The following TMEM71 variants were observed in gnomAD, a reference collection of about 807,000 sequenced individuals.
TMEM71 encodes transmembrane protein 71.
TMEM71 carries 44 observed loss-of-function variants against 38.0 expected under a neutral mutation model. The observed-to-expected ratio is 1.16, with a 90% CI of 0.91 to 1.49. The LOEUF is 1.49. Ranked by LOEUF, TMEM71 falls within the 40% of genes most tolerant of loss-of-function variation. The pLI, the probability that TMEM71 is intolerant of heterozygous loss-of-function variation, is 0.00. For missense variants in TMEM71, 367 were observed against 348.6 expected (o/e 1.05, Z -0.42); for synonymous variants, 133 against 122.5 (o/e 1.09, Z -0.56).
chr8:132,725,280 T>A (rs1209028431), intron 6 of TMEM71, among the ~76,000 whole-genome samples: 2 of 152,200 alleles, frequency 1.3e-5, no homozygotes, highest in African/African-American at 4.8e-5. Context: ...TCCTGTCACC[T>A]CAGCCTCCTG....
rs770505389 is a variant in TMEM71, at chr8:132,751,811, G to T, written c.288C>A (p.Ser96Arg). ...TAACTAAGTTCTCCTTATACATAAC[G>T]CTGGTCTGGGATGGGTTCAGAGTTA... ...GNITLNPSQT[S>R]VMYKENLVRI... Residue 96 changes from serine (S) to arginine (R), a missense_variant, in exon 4 of 10, where the codon AGC becomes AGA. Transcript: ENST00000677595. The T allele has an allele frequency of 6.2e-7, 1 of 1,613,584 alleles. No individual in the cohort carries two copies. Among genetic ancestry groups the T allele is most frequent in the African/African-American group, 1.3e-5 (1 of 74,902 alleles).
At chr8:132,722,491 A>C (rs954702567) in intron 6 of TMEM71, among the ~76,000 whole-genome samples, 1 of 152,258 alleles carries the variant, frequency 6.6e-6, no homozygotes, top group African/African-American at 2.4e-5. Context: ...AGTGCCTTAT[A>C]ATTCACAAAG....
At chr8:132,750,736 T>C (rs1828661884) in intron 4 of TMEM71, among the ~76,000 whole-genome samples, 1 of 152,242 alleles carries the variant, frequency 6.6e-6, no homozygotes, top group Admixed American at 6.5e-5. Context: ...AATTTACCAA[T>C]GCAAAGTGAA....
chr8:132,773,901 CATAGTTAAA>C, the TMEM71 span, among the ~76,000 whole-genome samples: 4 of 152,112 alleles, frequency 2.6e-5, no homozygotes, highest in Non-Finnish European at 4.4e-5. Flanking sequence ...CCCAAATCTC[CATAGTTAAA>C]ATAATAAATA....
chr8:132,712,729 G>T (rs181535056), intron 9 of TMEM71, among the ~76,000 whole-genome samples: 1 of 152,128 alleles, frequency 6.6e-6, no homozygotes, highest in East Asian at 1.9e-4. Context: ...ACCCCATACC[G>T]TATAGAACAT....
At chr8:132,754,763 A>G (rs1421979788) in intron 3 of TMEM71, among the ~76,000 whole-genome samples, 1 of 152,238 alleles carries the variant, frequency 6.6e-6, no homozygotes, top group East Asian at 1.9e-4. Context: ...ATGATGTCAT[A>G]CAAATATGTT....
intron 5 of TMEM71, among the ~76,000 whole-genome samples, chr8:132,746,553 A>G (rs1206875064): frequency 6.7e-6 from 1 of 150,036 alleles, no homozygotes; most frequent in Non-Finnish European, 1.5e-5. Context: ...AGCAAAGTTA[A>G]GTACTATCCA....
chr8:132,715,425 A>AAAAAAAAAAAAAAG (rs1826469045), intron 7 of TMEM71, among the ~76,000 whole-genome samples: 1 of 150,890 alleles, frequency 6.6e-6, no homozygotes, highest in African/African-American at 2.4e-5. Context: ...AAAAAAAAAA[A>AAAAAAAAAAAAAAG]AAAAAAAAAA....
In TMEM71 at chr8:132,747,096, C is replaced by G. The variant is rs753376999; in HGVS notation, c.333G>C (p.Lys111Asn). The stretch of plus-strand genomic sequence containing the variant: ...GAGAAGAAAAGGAATGGCAGATTCT[C>G]TTTTTCTTTCTAAATATCCTAGAGA... ...ENLVRIFRKK[K>N]RICHSFSSLF... Residue 111 changes from lysine to asparagine, a missense_variant, in exon 5 of 10, where the codon AAG becomes AAC. Physicochemically the swap from Lys to Asn is moderately conservative, Grantham distance 94 (BLOSUM62 0). Coordinates refer to ENST00000677595, the MANE Select transcript of TMEM71 (RefSeq NM_001382403.1). The G allele has an allele frequency of 6.2e-7, 1 of 1,605,214 alleles. No individual in the cohort carries two copies. The highest frequency in any genetic ancestry group is 2.2e-5 in the East Asian group (1 of 44,760).
intron 5 of TMEM71, among the ~76,000 whole-genome samples, chr8:132,732,435 A>T (rs1827510069): frequency 6.6e-6 from 1 of 152,184 alleles, no homozygotes; most frequent in Non-Finnish European, 1.5e-5. Flanking sequence ...CCTCCTGTGT[A>T]GCTAGACAAG....
At position 132,751,834 on chromosome 8, in the gene TMEM71, T is replaced by A. The variant is rs138213345; in HGVS notation, c.265A>T (p.Thr89Ser). 8.4e-5 allele frequency: 135 copies of A among 1,613,938 alleles called. 1 individual carries two copies. In the African/African-American group the frequency reaches 1.6e-3, roughly 20 times the overall value. ...ACGCTGGTCTGGGATGGGTTCAGAG[T>A]TATGTTGCCATCTTTGTCGCACAGG... ...SFLCDKDGNI[T>S]LNPSQTSVMY... The change falls in exon 4 of 10, where the codon ACT becomes TCT. Residue 89 changes from threonine to serine, a missense_variant. Transcript: ENST00000677595.
At chr8:132,764,623 T>G (rs895330110), upstream of TMEM71, among the ~76,000 whole-genome samples, 1 of 152,220 alleles carries the variant, frequency 6.6e-6, no homozygotes, top group Non-Finnish European at 1.5e-5. Context: ...TCTCTAGCTT[T>G]GCTCCACCTC....
chr8:132,746,764 TATGTGTTTTGATCACAC>T (rs1828409978), intron 5 of TMEM71, among the ~76,000 whole-genome samples, 161 bp downstream of exon 5: 1 of 152,180 alleles, frequency 6.6e-6, no homozygotes, highest in Non-Finnish European at 1.5e-5. Flanking sequence ...CATAGACACA[TATGTGTTTTGATCACAC>T]ATGTAATATA....
intron 5 of TMEM71, among the ~76,000 whole-genome samples, chr8:132,733,506 C>A (rs1412002629): frequency 6.6e-6 from 1 of 152,194 alleles, no homozygotes; most frequent in Admixed American, 6.5e-5. Flanking sequence ...AGCCTGGATA[C>A]TGAGTTGGGG....
chr8:132,713,389 C>A (rs1826338855), intron 9 of TMEM71, among the ~76,000 whole-genome samples: 1 of 152,088 alleles, frequency 6.6e-6, no homozygotes, highest in South Asian at 2.1e-4. Flanking sequence ...TGTAAGAGTG[C>A]CATGGTGAAT....
chr8:132,751,372 A>G (rs1254671577), intron 4 of TMEM71, among the ~76,000 whole-genome samples: 1 of 152,232 alleles, frequency 6.6e-6, no homozygotes, highest in Non-Finnish European at 1.5e-5. Context: ...GACTTAAATC[A>G]GCCATCACCA....
upstream of TMEM71, among the ~76,000 whole-genome samples, chr8:132,763,550 T>A (rs968323430): frequency 6.6e-6 from 1 of 152,170 alleles, no homozygotes; most frequent in Admixed American, 6.5e-5. Context: ...CAAATTTCAG[T>A]ACAAAAAGTT....
intron 5 of TMEM71, among the ~76,000 whole-genome samples, chr8:132,739,627 T>A (rs751265989): frequency 1.3e-5 from 2 of 152,108 alleles, no homozygotes; most frequent in Non-Finnish European, 2.9e-5. Context: ...CTGCTGTTTA[T>A]AAGCTAAATT....
intron 5 of TMEM71, among the ~76,000 whole-genome samples, chr8:132,738,524 A>G (rs990151899): frequency 1.3e-4 from 20 of 152,106 alleles, no homozygotes; most frequent in Non-Finnish European, 8.8e-5. Flanking sequence ...CTCCCATCCA[A>G]TCCTCAATTG....
Sources: allele counts gnomAD v4.1 joint callset (sites outside exome capture counted in the v4.1 genomes callset), GRCh38; gene constraint gnomAD v4.1.1; transcripts MANE v1.5; gene names NCBI Gene and HGNC (gene_info 2026-07-23, HGNC 2026-07-21).